Variants in GPSM2 observed in about 807,000 individuals in gnomAD.
The protein encoded by GPSM2 is G protein signaling modulator 2, also known as G protein-signaling modulator 2.
Under a neutral mutation model 78.4 loss-of-function variants are expected in GPSM2, and 58 were observed. The ratio of observed to expected loss-of-function variants is 0.74; its 90% CI spans 0.60 to 0.92. The LOEUF (loss-of-function observed/expected upper bound fraction) is 0.92. GPSM2 is among the 40% of genes least tolerant of loss of function. The pLI is 0.00. For synonymous variants in GPSM2, 224 were observed against 280.2 expected (o/e 0.80, Z 2.00); for missense variants, 700 against 815.5 (o/e 0.86, Z 1.73).
chr1:108,916,498 G>A (rs981614248), intron 11 of GPSM2, among the ~76,000 whole-genome samples: 1 of 152,164 alleles, frequency 6.6e-6, no homozygotes, highest in East Asian at 1.9e-4. Flanking sequence ...CAAATGTCCA[G>A]CTCTTCTCTG....
In GPSM2 at chr1:108,898,931, A is replaced by T; in HGVS notation, c.734A>T (p.Tyr245Phe). ...GATAAAGCAGCTGAAAGAAGAGCAT[A>T]TAGCAACCTTGGAAATGCATATATA... ...FGDKAAERRA[Y>F]SNLGNAYIFL... The change falls in exon 7 of 15, where the codon TAT (tyrosine) becomes TTT (phenylalanine). Residue 245 changes from tyrosine (Y) to phenylalanine (F), a missense_variant. Physicochemically the swap from Tyr to Phe is conservative, Grantham distance 22. Coordinates refer to ENST00000264126, the MANE Select transcript of GPSM2 (RefSeq NM_013296.5). 6.2e-7 allele frequency: 1 copy of T among 1,613,526 alleles called. No individual in the cohort carries two copies. Among genetic ancestry groups the T allele is most frequent in the South Asian group, 1.1e-5 (1 of 91,074 alleles).
At chr1:108,920,297 C>T (rs1408871863) in intron 12 of GPSM2, among the ~76,000 whole-genome samples, 2 of 152,050 alleles carry the variant, frequency 1.3e-5, no homozygotes, top group Non-Finnish European at 2.9e-5. Context: ...AGCGAAACCC[C>T]GTATCTACTA....
intron 1 of GPSM2, among the ~76,000 whole-genome samples, chr1:108,884,426 A>C (rs1647368809): frequency 6.6e-6 from 1 of 152,208 alleles, no homozygotes; most frequent in East Asian, 1.9e-4. Flanking sequence ...TGAAAAATAC[A>C]TTTGGTATAC....
At chr1:108,893,452 A>G (rs557225843) in intron 2 of GPSM2, among the ~76,000 whole-genome samples, 27 of 152,064 alleles carry the variant, frequency 1.8e-4, no homozygotes, top group Non-Finnish European at 3.2e-4. Context: ...CCAGTACTCT[A>G]TTGGTGGACA....
Position 108,897,905 on chromosome 1 carries a change from G to A in GPSM2, c.415-54G>A. ...TACTAAGGATATTACAAATATATAT[G>A]ATAAACCTGACCTCTGTTTTCAAAA... is the stretch of plus-strand genomic sequence containing the variant. On this transcript the variant is annotated intron_variant, in intron 4 of 14. Transcript: ENST00000264126. 1.3e-6 allele frequency: 2 copies of A among 1,579,570 alleles called. 1 individual carries two copies. The highest frequency in any genetic ancestry group is 2.2e-5 in the South Asian group (2 of 89,924).
At chr1:108,877,812 A>C (rs1026563153) in intron 1 of GPSM2, 1 of 152,198 alleles carries the variant, frequency 6.6e-6, no homozygotes, top group Admixed American at 6.5e-5. Flanking sequence ...CTCTTTCCTG[A>C]AATCTATAGA....
At chr1:108,898,288 A>G (rs935716133) in intron 5 of GPSM2, among the ~76,000 whole-genome samples, 187 bp downstream of exon 5, 6 of 152,252 alleles carry the variant, frequency 3.9e-5, no homozygotes, top group African/African-American at 1.4e-4. Context: ...CTTTCATTTA[A>G]GTTGCAGACC....
At chr1:108,887,460 C>G (rs944691406) in intron 2 of GPSM2, among the ~76,000 whole-genome samples, 1 of 152,154 alleles carries the variant, frequency 6.6e-6, no homozygotes, top group Admixed American at 6.5e-5. Flanking sequence ...TGCGATGTCC[C>G]CATCTCCTGG....
chr1:108,918,043 G>A (rs1025003745), intron 11 of GPSM2, among the ~76,000 whole-genome samples: 1 of 152,126 alleles, frequency 6.6e-6, no homozygotes, highest in Middle Eastern at 3.4e-3. Flanking sequence ...CAGAGCTATT[G>A]TATGTAGTGC....
chr1:108,902,995 A>G, intron 8 of GPSM2, 131 bp from the exon 9 acceptor site: 2 of 667,168 alleles, frequency 3.0e-6, no homozygotes, highest in South Asian at 1.6e-5. Flanking sequence ...TCATGATAGT[A>G]TGTTATTTAT....
Position 108,896,740 on chromosome 1 carries a change from C to T in GPSM2, c.57-124C>T, listed in dbSNP as rs338468. ...CTGTTTTATCAGGAATGTATATAAACTTCAGTTATAGAGGCAGCTGCCCTG... is the reference window on the plus strand; with the variant it reads ...CTGTTTTATCAGGAATGTATATAAATTTCAGTTATAGAGGCAGCTGCCCTG... On this transcript the variant is annotated intron_variant, in intron 2 of 14. Coordinates refer to ENST00000264126, the MANE Select transcript of GPSM2 (RefSeq NM_013296.5). 4,755 of 789,336 alleles carry T rather than the reference C, an allele frequency of 6.0e-3. 145 individuals carry two copies. In the African/African-American group the frequency reaches 0.065, roughly 11 times the overall value. The allele number at this position is 789,336 out of a possible 1,614,324, so 48.9% of individuals were successfully genotyped here.
chr1:108,877,242 C>A lies in GPSM2; in HGVS notation c.-249+14C>A, dbSNP rs1665673657. On this transcript the variant is annotated intron_variant, in intron 1 of 14. Coordinates refer to ENST00000264126, the MANE Select transcript of GPSM2 (RefSeq NM_013296.5). ...CGCCCGCGGGAGGTGAGCGCTTCCG[C>A]GACGCGGGTTCTGAGGCGTTTGAGG... The A allele has an allele frequency of 6.6e-6, 1 of 152,050 alleles. No homozygotes were observed. Among genetic ancestry groups the A allele is most frequent in the Non-Finnish European group, 1.5e-5 (1 of 68,056 alleles). 9.4% of individuals were successfully genotyped at this position (152,050 alleles called of 1,614,324 possible). A position where few individuals can be genotyped will look rare whatever the true frequency, so the allele number is the denominator to read the frequency against.
chr1:108,921,833 G>A (rs1041880958), intron 12 of GPSM2, among the ~76,000 whole-genome samples: 3 of 151,908 alleles, frequency 2.0e-5, no homozygotes, highest in Non-Finnish European at 4.4e-5. Flanking sequence ...TTGTATATGT[G>A]CCTCTATTAT....
At chr1:108,923,970 T>A (rs749372957) in intron 13 of GPSM2, 30 bp from the exon 14 acceptor site, 50 of 1,476,926 alleles carry the variant, frequency 3.4e-5, no homozygotes, top group Non-Finnish European at 4.7e-5. Context: ...TGTTTTTTTT[T>A]AATCTTTGGC....
intron 10 of GPSM2, chr1:108,910,018 C>T (rs1347172942): frequency 7.0e-6 from 1 of 143,298 alleles, no homozygotes; most frequent in Admixed American, 6.9e-5. Context: ...AATTAAAAAG[C>T]AGAATTTAAT....
At chr1:108,909,729 C>G (rs1375287602) in intron 10 of GPSM2, 21 of 151,378 alleles carry the variant, frequency 1.4e-4, no homozygotes, top group Admixed American at 1.4e-3. Context: ...ATGGTGAAAC[C>G]CTGTCTCTAC....
chr1:108,884,047 A>C (rs968147368), intron 1 of GPSM2, among the ~76,000 whole-genome samples: 1 of 152,040 alleles, frequency 6.6e-6, no homozygotes, highest in African/African-American at 2.4e-5. Flanking sequence ...GGTTCAAGTG[A>C]TTCTCATGCC....
chr1:108,903,290 G>A (rs781720781), intron 9 of GPSM2, 56 bp downstream of exon 9: 238 of 937,934 alleles, frequency 2.5e-4, no homozygotes, highest in Non-Finnish European at 3.8e-4. Flanking sequence ...ATTAGAGGTT[G>A]GGGGAGGGAA....
At chr1:108,895,247 T>C (rs924256591) in intron 2 of GPSM2, among the ~76,000 whole-genome samples, 1 of 152,194 alleles carries the variant, frequency 6.6e-6, no homozygotes, top group African/African-American at 2.4e-5. Context: ...ACTGCTCTAT[T>C]GGAGTGGCTC....
Sources: gnomAD v4.1 joint callset for allele counts (sites outside exome capture counted in the v4.1 genomes callset) on GRCh38, gnomAD v4.1.1 for gene constraint, MANE v1.5 for transcripts, NCBI Gene and HGNC (gene_info 2026-07-23, HGNC 2026-07-21) for gene names.